Variants in CRIP1 observed in about 807,000 individuals in gnomAD.
CRIP1 encodes the protein cysteine-rich protein 1.
Under a neutral mutation model 12.9 loss-of-function variants are expected in CRIP1, and 11 were observed. That is an observed-to-expected ratio of 0.86 (90% confidence interval 0.54 to 1.42). The LOEUF (loss-of-function observed/expected upper bound fraction) is 1.42. CRIP1 is among the 40% of genes most tolerant of loss of function. The pLI, the probability that CRIP1 is intolerant of heterozygous loss-of-function variation, is 0.00. For synonymous variants in CRIP1, 41 were observed against 37.2 expected, an observed-to-expected ratio of 1.10 and a Z score of -0.37; for missense variants, 122 against 101.3, an observed-to-expected ratio of 1.20 and a Z score of -0.88.
chr14:105,487,689 T>G, intron 2 of CRIP1: 44 of 182,526 alleles, frequency 2.4e-4, no homozygotes, highest in East Asian at 8.4e-4. Flanking sequence ...CGGGGCGCGA[T>G]CCCGGGCGCC....
At chr14:105,487,538 C>T in intron 2 of CRIP1, 1 of 493,560 alleles carries the variant, frequency 2.0e-6, no homozygotes, top group Non-Finnish European at 3.6e-6. Context: ...TGGCTCTGAG[C>T]CTCCCCGTCT....
chr14:105,488,403 T>TGCCCCCCCCCC lies in CRIP1; in HGVS notation c.193+15_193+16insGCCCCCCCCCC. 1 of 1,580,470 alleles carries TGCCCCCCCCCC rather than the reference T, an allele frequency of 6.3e-7. No homozygotes were observed. The highest frequency in any genetic ancestry group is 8.6e-7 in the Non-Finnish European group (1 of 1,156,506). ...TGGGCCTAAAGGTATGCTCCCGTCA[T>TGCCCCCCCCCC]CCCCACCCCACCCCACCCCACAGCC... is the stretch of plus-strand genomic sequence containing the variant. On this transcript the variant is annotated intron_variant, in intron 4 of 5. Transcript: ENST00000392531.
Position 105,488,167 on chromosome 14 carries a change from C to T in CRIP1, c.42C>T (p.Ala14=), listed in dbSNP as rs587751664. The part of the protein sequence containing the change: ...CPKCNKEVYF[A]ERVTSLGKDW... ...CGGGGCCTGTCTGTGCCTCTGCAGC[C>T]GAGAGGGTGACCTCTCTGGGCAAGG... The change falls in exon 3 of 6, where the codon GCC becomes GCT. Residue 14 remains alanine (A), a splice_region_variant and synonymous_variant. Transcript: ENST00000392531. The T allele has an allele frequency of 1.1e-5, 18 of 1,612,170 alleles. No individual in the cohort carries two copies. The highest frequency in any genetic ancestry group is 1.7e-5 in the Admixed American group (1 of 60,008).
At chr14:105,487,462 C>G in intron 2 of CRIP1, 163 bp downstream of exon 2, 3 of 598,742 alleles carry the variant, frequency 5.0e-6, no homozygotes, top group Non-Finnish European at 8.6e-6. Flanking sequence ...GGTGGAGGCC[C>G]CTGCGTCCGA....
At chr14:105,488,586 G>A in intron 5 of CRIP1, 70 bp downstream of exon 5, 4 of 1,500,062 alleles carry the variant, frequency 2.7e-6, no homozygotes, top group Non-Finnish European at 3.6e-6. Context: ...CCCTCCCAGG[G>A]AGGCCTGACC....
chr14:105,488,403 T>TGGGCCCCC lies in CRIP1; in HGVS notation c.193+15_193+16insGGGCCCCC. 7 of 1,580,452 alleles carry TGGGCCCCC rather than the reference T, an allele frequency of 4.4e-6. No homozygotes were observed. Among genetic ancestry groups the TGGGCCCCC allele is most frequent in the Non-Finnish European group, 5.2e-6 (6 of 1,156,492 alleles). On this transcript the variant is annotated intron_variant, in intron 4 of 5. Coordinates refer to ENST00000392531, the MANE Select transcript of CRIP1 (RefSeq NM_001311.5). ...TGGGCCTAAAGGTATGCTCCCGTCA[T>TGGGCCCCC]CCCCACCCCACCCCACCCCACAGCC...
At position 105,488,771 on chromosome 14, in the gene CRIP1, A is replaced by G. The variant is rs1473959685; in HGVS notation, c.*114A>G. 2 of 558,978 alleles carry G rather than the reference A, an allele frequency of 3.6e-6. No homozygotes were observed. Among genetic ancestry groups the G allele is most frequent in the Non-Finnish European group, 6.4e-6 (2 of 313,570 alleles). The allele number at this position is 558,978 out of a possible 1,614,324, so 34.6% of individuals were successfully genotyped here. On this transcript the variant is annotated 3_prime_UTR_variant, in exon 6 of 6. Coordinates refer to ENST00000392531, the MANE Select transcript of CRIP1 (RefSeq NM_001311.5). ...CTTGTTGCCCCTAATGCTCTCAGTAAACCTGAACACTTGGAAAACCTGTGT... is the reference window on the plus strand; with the variant it reads ...CTTGTTGCCCCTAATGCTCTCAGTAGACCTGAACACTTGGAAAACCTGTGT...
chr14:105,488,567 G>A (rs1283182000), intron 5 of CRIP1, 51 bp downstream of exon 5: 9 of 1,546,348 alleles, frequency 5.8e-6, no homozygotes, highest in Non-Finnish European at 7.9e-6. Flanking sequence ...CCCTCGGGAT[G>A]GGGATGCCCC....
intron 2 of CRIP1, 23 bp from the exon 3 acceptor site, chr14:105,488,143 G>A (rs1221581381): frequency 2.2e-5 from 36 of 1,607,386 alleles, no homozygotes; most frequent in Non-Finnish European, 3.0e-5. Context: ...GCGTCTCACC[G>A]GGGCCTGTCT....
Position 105,488,379 on chromosome 14 carries a change from G to A in CRIP1, c.184G>A (p.Gly62Arg), listed in dbSNP as rs1555438520. 1 of 1,613,250 alleles carries A rather than the reference G, an allele frequency of 6.2e-7. No homozygotes were observed. The change falls in exon 4 of 6, where the codon GGG becomes AGG. Residue 62 changes from glycine (G) to arginine (R), a missense_variant. Gly to Arg is a moderately radical substitution (Grantham distance 125). Transcript: ENST00000392531. ...CNHPCYAAMFGPKGFGRGGAE... is the reference protein window; with the variant it reads ...CNHPCYAAMFRPKGFGRGGAE... ...CCACCCCTGCTACGCAGCCATGTTTGGGCCTAAAGGTATGCTCCCGTCATC... is the reference window on the plus strand; with the variant it reads ...CCACCCCTGCTACGCAGCCATGTTTAGGCCTAAAGGTATGCTCCCGTCATC...
At position 105,486,893 on chromosome 14, in the gene CRIP1, C is replaced by A; in HGVS notation, c.-141C>A. On this transcript the variant is annotated 5_prime_UTR_variant, in exon 1 of 6. Coordinates refer to ENST00000392531, the MANE Select transcript of CRIP1 (RefSeq NM_001311.5). ...TTCCTGCTGCGGGTGAGCCTTTTGC[C>A]TCGGAACTGGACCCGGGAGACATCA... The A allele has an allele frequency of 9.4e-7, 1 of 1,067,248 alleles. No homozygotes were observed. The highest frequency in any genetic ancestry group is 6.8e-5 in the East Asian group (1 of 14,630). 66.1% of individuals were successfully genotyped at this position (1,067,248 alleles called of 1,614,324 possible).
intron 5 of CRIP1, 58 bp downstream of exon 5, chr14:105,488,574 C>A (rs782307574): frequency 1.5e-5 from 23 of 1,534,000 alleles, no homozygotes; most frequent in Non-Finnish European, 1.9e-5. Flanking sequence ...GATGGGGATG[C>A]CCCCTCCCAG....
At position 105,488,403 on chromosome 14, in the gene CRIP1, T is replaced by TGGGCG; in HGVS notation, c.193+15_193+16insGGGCG. 6.3e-7 allele frequency: 1 copy of TGGGCG among 1,580,484 alleles called. No homozygotes were observed. The highest frequency in any genetic ancestry group is 1.4e-5 in the African/African-American group (1 of 73,042). ...TGGGCCTAAAGGTATGCTCCCGTCA[T>TGGGCG]CCCCACCCCACCCCACCCCACAGCC... On this transcript the variant is annotated intron_variant, in intron 4 of 5. Coordinates refer to ENST00000392531, the MANE Select transcript of CRIP1 (RefSeq NM_001311.5).
Position 105,488,403 on chromosome 14 carries a change from T to TGGCCC in CRIP1, c.193+15_193+16insGGCCC. 3.2e-5 allele frequency: 50 copies of TGGCCC among 1,580,212 alleles called. No individual in the cohort carries two copies. Among genetic ancestry groups the TGGCCC allele is most frequent in the Non-Finnish European group, 3.8e-5 (44 of 1,156,278 alleles). On this transcript the variant is annotated intron_variant, in intron 4 of 5. Transcript: ENST00000392531. Reference sequence around the variant, plus strand: ...TGGGCCTAAAGGTATGCTCCCGTCATCCCCACCCCACCCCACCCCACAGCC... The same window carrying TGGCCC: ...TGGGCCTAAAGGTATGCTCCCGTCATGGCCCCCCCACCCCACCCCACCCCACAGCC...
At position 105,487,357 on chromosome 14, in the gene CRIP1, G is replaced by T. The variant is rs2084130957; in HGVS notation, c.40+58G>T. 2.0e-6 allele frequency: 3 copies of T among 1,483,498 alleles called. No homozygotes were observed. The South Asian group carries it at 3.7e-5, about 18-fold the overall frequency. The allele number at this position is 1,483,498 out of a possible 1,614,324, so 91.9% of individuals were successfully genotyped here. On this transcript the variant is annotated intron_variant, in intron 2 of 5. Coordinates refer to ENST00000392531, the MANE Select transcript of CRIP1 (RefSeq NM_001311.5). ...CGCCGCCGACGGGGCGACGAGGCTG[G>T]GGACCGCTCAGGAGGACCGGGGGCG...
Position 105,488,403 on chromosome 14 carries a change from T to TGGGCCCCCCCC in CRIP1, c.193+15_193+16insGGGCCCCCCCC. 1.3e-6 allele frequency: 2 copies of TGGGCCCCCCCC among 1,580,456 alleles called. No individual in the cohort carries two copies. The highest frequency in any genetic ancestry group is 1.7e-6 in the Non-Finnish European group (2 of 1,156,500). On this transcript the variant is annotated intron_variant, in intron 4 of 5. Transcript: ENST00000392531. Reference sequence around the variant, plus strand: ...TGGGCCTAAAGGTATGCTCCCGTCATCCCCACCCCACCCCACCCCACAGCC... The same window carrying TGGGCCCCCCCC: ...TGGGCCTAAAGGTATGCTCCCGTCATGGGCCCCCCCCCCCCACCCCACCCCACCCCACAGCC...
chr14:105,488,271 C>G lies in CRIP1; in HGVS notation c.135+11C>G. The G allele has an allele frequency of 6.2e-7, 1 of 1,613,436 alleles. No homozygotes were observed. The highest frequency in any genetic ancestry group is 8.5e-7 in the Non-Finnish European group (1 of 1,180,000). On this transcript the variant is annotated intron_variant, in intron 3 of 5. Transcript: ENST00000392531. ...GGGGGCCACGCTGAGGTAGGTGGGA[C>G]CCACCCTGGTGGCAGGGGCCAGGGG... is the stretch of plus-strand genomic sequence containing the variant.
In CRIP1 at chr14:105,488,562, G is replaced by C. The variant is rs782523690; in HGVS notation, c.*5+46G>C. The stretch of plus-strand genomic sequence containing the variant: ...TATCCTGCCTCCTGGTTCCACCCTC[G>C]GGATGGGGATGCCCCCTCCCAGGGA... On this transcript the variant is annotated intron_variant, in intron 5 of 5. Transcript: ENST00000392531. The C allele has an allele frequency of 9.7e-6, 15 of 1,550,350 alleles. No homozygotes were observed. In the East Asian group the frequency reaches 3.2e-4, roughly 33 times the overall value.
chr14:105,488,414 C>T, intron 4 of CRIP1, 26 bp downstream of exon 4: 2 of 1,603,326 alleles, frequency 1.2e-6, no homozygotes, highest in South Asian at 1.1e-5. Context: ...CCCCACCCCA[C>T]CCCACCCCAC....
Sources: allele counts gnomAD v4.1 joint callset, GRCh38; gene constraint gnomAD v4.1.1; transcripts MANE v1.5; gene names NCBI Gene and HGNC (gene_info 2026-07-23, HGNC 2026-07-21).